The following BCAT1 variants were observed in gnomAD, a reference collection of about 807,000 sequenced individuals.
BCAT1 encodes branched-chain-amino-acid aminotransferase, cytosolic.
A neutral mutation model predicts 52.4 loss-of-function variants in BCAT1; 48 were observed. That is an observed-to-expected ratio of 0.92 (90% CI 0.73 to 1.16). The LOEUF (loss-of-function observed/expected upper bound fraction) is 1.16, where lower values mean the gene tolerates loss of function less well. Among genes scored for constraint, BCAT1 ranks in the 50% most tolerant of loss-of-function variants. The pLI is 0.00. For missense variants in BCAT1, 451 were observed against 457.1 expected (o/e 0.99, Z 0.12); for synonymous variants, 167 against 161.3 (o/e 1.04, Z -0.27).
At chr12:24,853,119 C>A (rs1294539198) in intron 5 of BCAT1, among the ~76,000 whole-genome samples, 3 of 152,082 alleles carry the variant, frequency 2.0e-5, no homozygotes, top group African/African-American at 7.2e-5. Context: ...TTATTATGAA[C>A]TGTTATACAA....
At chr12:24,914,340 C>T (rs1943374253) in intron 1 of BCAT1, among the ~76,000 whole-genome samples, 1 of 152,152 alleles carries the variant, frequency 6.6e-6, no homozygotes, top group Non-Finnish European at 1.5e-5. Context: ...ACCTCAGCCT[C>T]CCAAAGTGCT....
intron 5 of BCAT1, among the ~76,000 whole-genome samples, chr12:24,858,807 A>G (rs764043623): frequency 1.9e-4 from 29 of 152,248 alleles, no homozygotes; most frequent in Non-Finnish European, 3.5e-4. Context: ...ATAAGAAGGC[A>G]TGGGAATGTG....
At chr12:24,859,415 T>C (rs914378498) in intron 5 of BCAT1, among the ~76,000 whole-genome samples, 12 of 152,182 alleles carry the variant, frequency 7.9e-5, no homozygotes, top group South Asian at 4.1e-4. Context: ...GGTCAGAAGA[T>C]GGAGACCATC....
At chr12:24,902,751 G>T in intron 1 of BCAT1, 1 of 789,434 alleles carries the variant, frequency 1.3e-6, no homozygotes, top group South Asian at 1.9e-5. Flanking sequence ...TCGAAGAGGT[G>T]GAGATTGCAG....
chr12:24,874,504 A>G (rs1942272921), intron 5 of BCAT1, among the ~76,000 whole-genome samples: 1 of 152,214 alleles, frequency 6.6e-6, no homozygotes, highest in Non-Finnish European at 1.5e-5. Context: ...ATCAGGGCCT[A>G]TGGAAGTGAA....
At chr12:24,857,513 T>C (rs756254347) in intron 5 of BCAT1, among the ~76,000 whole-genome samples, 91 of 152,362 alleles carry the variant, frequency 6.0e-4, no homozygotes, top group Non-Finnish European at 2.5e-4. Context: ...AGGTTTTATA[T>C]TGATTTTTTT....
intron 6 of BCAT1, among the ~76,000 whole-genome samples, chr12:24,847,582 CA>C (rs780581934): frequency 1.3e-5 from 2 of 152,020 alleles, no homozygotes; most frequent in Non-Finnish European, 2.9e-5. Flanking sequence ...TGTGTGTGTG[CA>C]CGTGTGCATG....
intron 5 of BCAT1, among the ~76,000 whole-genome samples, chr12:24,856,505 T>G (rs980655210): frequency 6.8e-6 from 1 of 147,954 alleles, no homozygotes; most frequent in Non-Finnish European, 1.5e-5. Context: ...GAGGCCTTAA[T>G]CCATAGGCCT....
At chr12:24,843,975 G>T (rs4963593) in intron 6 of BCAT1, among the ~76,000 whole-genome samples, 147,126 of 152,106 alleles carry the variant, frequency 0.97, 71,330 homozygotes, top group East Asian at 1. Flanking sequence ...GAAGAAAGCG[G>T]CTGAAGTGGG....
At chr12:24,881,530 C>T in intron 3 of BCAT1, 119 bp from the exon 4 acceptor site, 1 of 631,614 alleles carries the variant, frequency 1.6e-6, no homozygotes, top group South Asian at 2.0e-5. Flanking sequence ...TGACATTGAC[C>T]TCAACTTGAG....
At chr12:24,911,759 C>T (rs1943331826) in intron 1 of BCAT1, among the ~76,000 whole-genome samples, 2 of 152,126 alleles carry the variant, frequency 1.3e-5, no homozygotes, top group South Asian at 4.1e-4. Flanking sequence ...GGGAGGAAAC[C>T]CTAAGCGTGG....
chr12:24,822,081 G>C (rs1278152951), intron 10 of BCAT1, among the ~76,000 whole-genome samples: 1 of 152,108 alleles, frequency 6.6e-6, no homozygotes, highest in Non-Finnish European at 1.5e-5. Flanking sequence ...TAACAGTAGA[G>C]AAAAGAAACA....
intron 2 of BCAT1, among the ~76,000 whole-genome samples, chr12:24,901,537 C>G (rs1943103599): frequency 6.6e-6 from 1 of 152,180 alleles, no homozygotes; most frequent in Non-Finnish European, 1.5e-5. Context: ...ATCTGATAAA[C>G]AACTAGTTTA....
At chr12:24,865,959 G>A (rs1044424255) in intron 5 of BCAT1, among the ~76,000 whole-genome samples, 9 of 152,212 alleles carry the variant, frequency 5.9e-5, no homozygotes, top group Non-Finnish European at 1.2e-4. Flanking sequence ...CCTCGGCCTC[G>A]GCGCCCATTC....
chr12:24,941,787 T>C (rs1444543415), intron 1 of BCAT1, among the ~76,000 whole-genome samples: 1 of 152,240 alleles, frequency 6.6e-6, no homozygotes, highest in Non-Finnish European at 1.5e-5. Context: ...CTTTCGCCCA[T>C]GTTCATTCCA....
At chr12:24,931,670 G>C (rs1181382784) in intron 1 of BCAT1, among the ~76,000 whole-genome samples, 1 of 152,132 alleles carries the variant, frequency 6.6e-6, no homozygotes, top group Non-Finnish European at 1.5e-5. Flanking sequence ...TCTAACCTAG[G>C]ATATTATTCA....
At chr12:24,907,393 G>A (rs934035875) in intron 1 of BCAT1, among the ~76,000 whole-genome samples, 9 of 152,218 alleles carry the variant, frequency 5.9e-5, no homozygotes, top group Admixed American at 3.3e-4. Flanking sequence ...GGAAGTTCAT[G>A]TCTGTCAGGC....
chr12:24,819,734 C>T (rs921711151), intron 10 of BCAT1, among the ~76,000 whole-genome samples: 1 of 152,142 alleles, frequency 6.6e-6, no homozygotes. Context: ...AAAATACTGG[C>T]AGCCAAGAAT....
intron 8 of BCAT1, chr12:24,833,816 C>CTT (rs57564421): frequency 0.12 from 16,166 of 133,770 alleles, 982 homozygotes; most frequent in Non-Finnish European, 0.15. Flanking sequence ...CTACGTTTGT[C>CTT]TCTTTCTTTT....
Sources: gnomAD v4.1 joint callset for allele counts (sites outside exome capture counted in the v4.1 genomes callset) on GRCh38, gnomAD v4.1.1 for gene constraint, MANE v1.5 for transcripts, NCBI Gene and HGNC (gene_info 2026-07-23, HGNC 2026-07-21) for gene names.